Variants in REEP1 observed in about 807,000 individuals in gnomAD.
REEP1 encodes receptor accessory protein 1, also known as receptor expression-enhancing protein 1.
Under a neutral mutation model 40.3 loss-of-function variants are expected in REEP1, and 22 were observed. The observed-to-expected ratio is 0.55, with a 90% CI of 0.39 to 0.78. The LOEUF is 0.78. REEP1 is among the 30% of genes least tolerant of loss of function. REEP1 has a pLI of 0.00. For synonymous variants in REEP1, 116 were observed against 139.2 expected, an observed-to-expected ratio of 0.83 and a Z score of 1.17; for missense variants, 280 against 361.1, an observed-to-expected ratio of 0.78 and a Z score of 1.82.
intron 5 of REEP1, among the ~76,000 whole-genome samples, chr2:86,234,846 C>T (rs1675224133): frequency 6.6e-6 from 1 of 152,136 alleles, no homozygotes; most frequent in Non-Finnish European, 1.5e-5. Context: ...CAGCCAGACA[C>T]CCATTATATA....
At position 86,256,119 on chromosome 2, in the gene REEP1, T is replaced by C. The variant is rs552400041; in HGVS notation, c.183-1305A>G. Among the ~76,000 whole-genome samples, 8 of 151,312 alleles carry C rather than the reference T, an allele frequency of 5.3e-5. No individual in the cohort carries two copies. The South Asian group carries it at 1.7e-3, about 32-fold the overall frequency. On this transcript the variant is annotated intron_variant, in intron 3 of 8. Coordinates refer to ENST00000538924, the MANE Select transcript of REEP1 (RefSeq NM_001371279.1). ...ATCCCAGCACTTTGGGAGGAAGAGG[T>C]GGGTGGATCACAAGGTCAGGGGTTC...
intron 1 of REEP1, among the ~76,000 whole-genome samples, chr2:86,320,888 G>A (rs768449566): frequency 1.3e-5 from 2 of 152,188 alleles, no homozygotes; most frequent in Admixed American, 6.5e-5. Context: ...GCACGATCTC[G>A]GCTCACGGCA....
chr2:86,300,410 T>C (rs534512986), intron 1 of REEP1, among the ~76,000 whole-genome samples: 1 of 152,172 alleles, frequency 6.6e-6, no homozygotes, highest in Non-Finnish European at 1.5e-5. Context: ...GGAATTGGCA[T>C]TGGTACTGAG....
chr2:86,225,638 C>T (rs1219979382), intron 7 of REEP1, among the ~76,000 whole-genome samples: 1 of 152,230 alleles, frequency 6.6e-6, no homozygotes, highest in South Asian at 2.1e-4. Context: ...TAAAGCAATG[C>T]AGGGAAAACA....
At chr2:86,225,199 C>T (rs1029126709) in intron 7 of REEP1, among the ~76,000 whole-genome samples, 9 of 152,208 alleles carry the variant, frequency 5.9e-5, no homozygotes, top group Non-Finnish European at 8.8e-5. Context: ...TGGGCTGGGA[C>T]GCTTCTCTCC....
intron 5 of REEP1, among the ~76,000 whole-genome samples, chr2:86,238,949 C>T (rs1036019874): frequency 1.3e-5 from 2 of 151,964 alleles, no homozygotes; most frequent in Non-Finnish European, 2.9e-5. Flanking sequence ...ATCTGAATAG[C>T]GGAAATGCCT....
chr2:86,311,843 A>C (rs755452327), intron 1 of REEP1, among the ~76,000 whole-genome samples: 1 of 152,146 alleles, frequency 6.6e-6, no homozygotes, highest in Non-Finnish European at 1.5e-5. Flanking sequence ...CCTGCCATGT[A>C]AGATCCCGTT....
chr2:86,281,169 T>TGAGAAAGAC (rs1359896043), intron 2 of REEP1, among the ~76,000 whole-genome samples: 93 of 152,264 alleles, frequency 6.1e-4, no homozygotes, highest in African/African-American at 2.0e-3. Context: ...AGCAGGTCTT[T>TGAGAAAGAC]CTCAGTCAGC....
chr2:86,227,503 T>C (rs1674773104), intron 6 of REEP1, 105 bp from the exon 7 acceptor site: 1 of 911,880 alleles, frequency 1.1e-6, no homozygotes, highest in African/African-American at 1.7e-5. Flanking sequence ...TCCCAGTGTG[T>C]ACAATATAGG....
At position 86,232,731 on chromosome 2, in the gene REEP1, G is replaced by A. The variant is rs750875451; in HGVS notation, c.489C>T (p.Gly163=). The A allele has an allele frequency of 1.9e-5, 31 of 1,608,820 alleles. No individual in the cohort carries two copies. Among genetic ancestry groups the A allele is most frequent in the Non-Finnish European group, 2.3e-5 (27 of 1,179,958 alleles). ...GTGGGGGGCCCGAGGGAGCAGGGGC[G>A]CCGTCTCCCCTGATGGTGGTGAGGT... is the stretch of plus-strand genomic sequence containing the variant. ...MQDLTTIRGD[G]APAPSGPPPP... Residue 163 remains glycine, a synonymous_variant, in exon 6 of 9, where the codon GGC becomes GGT. Coordinates refer to ENST00000538924, the MANE Select transcript of REEP1 (RefSeq NM_001371279.1).
intron 1 of REEP1, among the ~76,000 whole-genome samples, chr2:86,336,414 G>A (rs1266820459): frequency 6.6e-6 from 1 of 152,102 alleles, no homozygotes; most frequent in Non-Finnish European, 1.5e-5. Context: ...GGGGAGTGAT[G>A]GTGCACAATC....
chr2:86,226,461 T>C (rs1674706618), intron 7 of REEP1, among the ~76,000 whole-genome samples: 3 of 35,330 alleles, frequency 8.5e-5, no homozygotes, highest in Non-Finnish European at 2.9e-4. Flanking sequence ...TTGTGGCTTT[T>C]TCTTTTCTTT....
chr2:86,337,469 G>T lies in REEP1; in HGVS notation c.32+10C>A. On this transcript the variant is annotated intron_variant, in intron 1 of 8. Coordinates refer to ENST00000538924, the MANE Select transcript of REEP1 (RefSeq NM_001371279.1). The surrounding 1 kb of genome is among the most constrained non-coding windows in gnomAD (Gnocchi z 5.8). ...GGGGACGGAGGGGCGCGGGGGAGAA[G>T]GCCACTTACACCACCAGCCTGGAGA... The T allele has an allele frequency of 7.8e-7, 1 of 1,282,792 alleles. No homozygotes were observed. The highest frequency in any genetic ancestry group is 9.9e-7 in the Non-Finnish European group (1 of 1,008,594). The allele number at this position is 1,282,792 out of a possible 1,614,324, so 79.5% of individuals were successfully genotyped here. A position where few individuals can be genotyped will look rare whatever the true frequency, so the allele number is the denominator to read the frequency against.
chr2:86,309,925 C>G (rs1679681117), intron 1 of REEP1, among the ~76,000 whole-genome samples: 1 of 152,156 alleles, frequency 6.6e-6, no homozygotes, highest in Non-Finnish European at 1.5e-5. Flanking sequence ...ATTGGCTCAG[C>G]TTGGGTCAGG....
chr2:86,285,573 A>G (rs1386694085), intron 1 of REEP1, among the ~76,000 whole-genome samples: 1 of 152,136 alleles, frequency 6.6e-6, no homozygotes, highest in Admixed American at 6.5e-5. Flanking sequence ...ATCATTACTT[A>G]CCCAAGGAGA....
At chr2:86,294,143 G>A (rs1678861290) in intron 1 of REEP1, among the ~76,000 whole-genome samples, 2 of 152,132 alleles carry the variant, frequency 1.3e-5, no homozygotes, top group Non-Finnish European at 2.9e-5. Context: ...CCACAGGCTG[G>A]GGGGATATAG....
intron 1 of REEP1, among the ~76,000 whole-genome samples, chr2:86,311,107 G>A (rs753952135): frequency 2.6e-5 from 4 of 152,168 alleles, no homozygotes; most frequent in Non-Finnish European, 5.9e-5. Flanking sequence ...CGGAAATCAG[G>A]AATAGTCATA....
intron 1 of REEP1, among the ~76,000 whole-genome samples, chr2:86,287,248 T>C (rs1266197800): frequency 6.6e-6 from 1 of 152,104 alleles, no homozygotes; most frequent in Non-Finnish European, 1.5e-5. Context: ...TCACCACATC[T>C]GGCTAATTTT....
chr2:86,320,641 C>A (rs1006914374), intron 1 of REEP1, among the ~76,000 whole-genome samples: 3 of 152,102 alleles, frequency 2.0e-5, no homozygotes, highest in African/African-American at 7.2e-5. Flanking sequence ...GTAGAAGGAA[C>A]AGACATCATA....
Sources: allele counts gnomAD v4.1 joint callset (sites outside exome capture counted in the v4.1 genomes callset), GRCh38; gene constraint gnomAD v4.1.1; non-coding constraint Gnocchi (gnomAD v3.1); transcripts MANE v1.5; gene names NCBI Gene and HGNC (gene_info 2026-07-23, HGNC 2026-07-21).